The following CTNNA3 variants were observed in gnomAD, a reference collection of about 807,000 sequenced individuals.
CTNNA3 encodes the protein catenin alpha-3.
In CTNNA3, 76 loss-of-function variants were observed where a neutral mutation model predicts 95.7. The ratio of observed to expected loss-of-function variants is 0.79; its 90% confidence interval spans 0.66 to 0.96. The LOEUF (loss-of-function observed/expected upper bound fraction) is 0.96. Among genes scored for constraint, CTNNA3 ranks in the 40% least tolerant of loss-of-function variants. The pLI, the probability that CTNNA3 is intolerant of heterozygous loss-of-function variation, is 0.00. For synonymous variants in CTNNA3, 431 were observed against 374.4 expected (o/e 1.15, Z -1.74); for missense variants, 1,191 against 1,089.8 (o/e 1.09, Z -1.31).
chr10:67,080,783 C>A (rs1420826932), intron 7 of CTNNA3, among the ~76,000 whole-genome samples: 1 of 152,030 alleles, frequency 6.6e-6, no homozygotes, highest in East Asian at 1.9e-4. Flanking sequence ...GTGGCGGGCG[C>A]CTGTGGTCCC....
At chr10:66,182,586 A>T (rs965585227) in intron 13 of CTNNA3, among the ~76,000 whole-genome samples, 2 of 152,112 alleles carry the variant, frequency 1.3e-5, no homozygotes, top group Admixed American at 6.5e-5. Flanking sequence ...AGAACATCTC[A>T]TGTGGTTCCT....
At chr10:67,521,657 A>G (rs1839991079) in intron 5 of CTNNA3, among the ~76,000 whole-genome samples, 185 bp downstream of exon 5, 1 of 152,180 alleles carries the variant, frequency 6.6e-6, no homozygotes, top group African/African-American at 2.4e-5. Flanking sequence ...ACACATCTAA[A>G]AGCAAGGACC....
chr10:66,138,412 T>C lies in CTNNA3; in HGVS notation c.1885-35163A>G, dbSNP rs574831000. On this transcript the variant is annotated intron_variant, in intron 13 of 17. Transcript: ENST00000433211. ...ATGCTATATAACCAACAATCCATAA[T>C]GGTCAAAGAAAAATTGTTTCTATAT... Among the ~76,000 whole-genome samples, 18 of 152,284 alleles carry C rather than the reference T, an allele frequency of 1.2e-4. No homozygotes were observed. The South Asian group carries it at 1.2e-3, about 11-fold the overall frequency.
intron 9 of CTNNA3, among the ~76,000 whole-genome samples, chr10:66,743,749 G>A (rs550986682): frequency 2.6e-5 from 4 of 152,142 alleles, no homozygotes; most frequent in East Asian, 1.9e-4. Flanking sequence ...AGGCCAAGGC[G>A]GGTGGATCAC....
At chr10:67,208,851 T>A (rs1302274961) in intron 6 of CTNNA3, among the ~76,000 whole-genome samples, 3 of 152,006 alleles carry the variant, frequency 2.0e-5, no homozygotes, top group African/African-American at 7.2e-5. Flanking sequence ...AAAATTATTG[T>A]CAAAGATACA....
intron 7 of CTNNA3, among the ~76,000 whole-genome samples, chr10:66,971,451 AC>A (rs561132244): frequency 1.3e-3 from 198 of 152,182 alleles, no homozygotes; most frequent in Non-Finnish European, 2.2e-3. Context: ...ATACATACAT[AC>A]ATAAACAGTG....
At chr10:67,104,404 C>A (rs1397886759) in intron 7 of CTNNA3, among the ~76,000 whole-genome samples, 1 of 151,892 alleles carries the variant, frequency 6.6e-6, no homozygotes, top group Non-Finnish European at 1.5e-5. Context: ...AAGGCAGACT[C>A]TACTTGTCCT....
At chr10:67,105,180 T>C (rs772122123) in intron 7 of CTNNA3, among the ~76,000 whole-genome samples, 1 of 151,960 alleles carries the variant, frequency 6.6e-6, no homozygotes, top group Non-Finnish European at 1.5e-5. Context: ...AAGGCTAATG[T>C]GGATATTTGG....
chr10:67,164,539 C>A (rs1174520256), intron 7 of CTNNA3, among the ~76,000 whole-genome samples: 1 of 151,984 alleles, frequency 6.6e-6, no homozygotes, highest in African/African-American at 2.4e-5. Context: ...ACTCGTTGAA[C>A]CATTCTTAGA....
At chr10:67,497,858 A>C (rs1839079429) in intron 5 of CTNNA3, among the ~76,000 whole-genome samples, 1 of 152,218 alleles carries the variant, frequency 6.6e-6, no homozygotes. Context: ...GATAGGTTGC[A>C]AAAATCTTCT....
intron 12 of CTNNA3, among the ~76,000 whole-genome samples, chr10:66,370,913 G>A (rs574440941): frequency 1.3e-5 from 2 of 152,092 alleles, no homozygotes; most frequent in African/African-American, 4.8e-5. Flanking sequence ...TTGTAGAGCT[G>A]GGTCTCACTA....
chr10:67,112,053 T>C (rs971448617), intron 7 of CTNNA3, among the ~76,000 whole-genome samples: 1 of 152,158 alleles, frequency 6.6e-6, no homozygotes, highest in African/African-American at 2.4e-5. Context: ...AGCTATTAAA[T>C]GAATCATTCA....
At chr10:65,950,379 A>G (rs1022625056) in intron 17 of CTNNA3, among the ~76,000 whole-genome samples, 1 of 151,788 alleles carries the variant, frequency 6.6e-6, no homozygotes, top group South Asian at 2.1e-4. Flanking sequence ...TTACTATCCT[A>G]GAATCTACAG....
rs554314979 is a variant in CTNNA3 at position 66,868,384 on chromosome 10, A to T, written c.1048-92860T>A. 2.5e-3 allele frequency among the ~76,000 whole-genome samples: 370 copies of T among 149,506 alleles called. 1 individual carries two copies. Among genetic ancestry groups the T allele is most frequent in the African/African-American group, 8.0e-3 (319 of 40,096 alleles). ...CTGTCGCAAAAATTAAAAAAAAAAT[A>T]AAAAAAACTGTAATTAATAGACAAA... On this transcript the variant is annotated intron_variant, in intron 7 of 17. Coordinates refer to ENST00000433211, the MANE Select transcript of CTNNA3 (RefSeq NM_013266.4).
intron 15 of CTNNA3, among the ~76,000 whole-genome samples, chr10:65,992,029 T>C (rs183357175): frequency 9.2e-5 from 14 of 152,258 alleles, no homozygotes; most frequent in African/African-American, 3.4e-4. Context: ...TCTTTCATTC[T>C]TTTGATATGA....
rs28782769 is a variant in CTNNA3, at chr10:67,686,311, C to T, written c.-6+9689G>A. On this transcript the variant is annotated intron_variant, in intron 1 of 17. Transcript: ENST00000433211. ...TGTTACTATGGCATAACCTGCCCTT[C>T]GTATCCCATTCTCCACAAATGAACT... Among the ~76,000 whole-genome samples the T allele has an allele frequency of 0.033, 5,065 of 152,294 alleles. 608 individuals are homozygous for T. The East Asian group carries it at 0.44, about 13-fold the overall frequency.
intron 11 of CTNNA3, among the ~76,000 whole-genome samples, chr10:66,426,526 T>C (rs77320678): frequency 0.016 from 2,431 of 152,194 alleles, 176 homozygotes; most frequent in Admixed American, 0.12. Context: ...AAAGGATAGC[T>C]TAGCTACAAG....
At position 65,958,634 on chromosome 10, in the gene CTNNA3, G is replaced by A. The variant is rs1395403885; in HGVS notation, c.2400+7978C>T. 2.0e-5 allele frequency among the ~76,000 whole-genome samples: 3 copies of A among 152,282 alleles called. No individual in the cohort carries two copies. In the South Asian group the frequency reaches 6.2e-4, roughly 32 times the overall value. The stretch of plus-strand genomic sequence containing the variant: ...CCAGTCAGGATGCTAAGCTGCAGGT[G>A]TGTTGGAGTTTGCTGGAGGTCCACT... On this transcript the variant is annotated intron_variant, in intron 17 of 17. Coordinates refer to ENST00000433211, the MANE Select transcript of CTNNA3 (RefSeq NM_013266.4).
chr10:66,665,866 G>T (rs1156441228), intron 9 of CTNNA3, among the ~76,000 whole-genome samples: 1 of 152,018 alleles, frequency 6.6e-6, no homozygotes, highest in African/African-American at 2.4e-5. Context: ...TCCAAAAAAT[G>T]ATATTTTTGT....
Sources: gnomAD v4.1 joint callset for allele counts (sites outside exome capture counted in the v4.1 genomes callset) on GRCh38, gnomAD v4.1.1 for gene constraint, MANE v1.5 for transcripts, NCBI Gene and HGNC (gene_info 2026-07-23, HGNC 2026-07-21) for gene names.